Variants in DLG2 observed in about 807,000 individuals in gnomAD.
DLG2 encodes disks large homolog 2.
DLG2 carries 45 observed loss-of-function variants against 132.5 expected under a neutral mutation model. That is an observed-to-expected ratio of 0.34 (90% CI 0.27 to 0.44). The LOEUF is 0.44. Among genes scored for constraint, DLG2 ranks in the 20% least tolerant of loss-of-function variants. The probability of loss-of-function intolerance (pLI) is 1.00; values close to 1 mark genes in which losing one functional copy is unlikely to be tolerated. For missense variants in DLG2, 1,045 were observed against 1,196.9 expected, an observed-to-expected ratio of 0.87 and a Z score of 1.87; for synonymous variants, 424 against 419.6, an observed-to-expected ratio of 1.01 and a Z score of -0.13.
chr11:83,467,842 CATATAT>C (rs72288955), intron 25 of DLG2, among the ~76,000 whole-genome samples: 35,516 of 117,336 alleles, frequency 0.3, 5,277 homozygotes, highest in African/African-American at 0.33. Context: ...ATAATTAAAA[CATATAT>C]ATATATATAT....
At chr11:85,191,115 G>A (rs1209376136) in intron 4 of DLG2, among the ~76,000 whole-genome samples, 1 of 151,722 alleles carries the variant, frequency 6.6e-6, no homozygotes, top group Non-Finnish European at 1.5e-5. Flanking sequence ...GAATCAATCT[G>A]GGTGATGAAA....
intron 17 of DLG2, among the ~76,000 whole-genome samples, chr11:83,822,100 T>A (rs61546028): frequency 0.018 from 2,705 of 152,172 alleles, 94 homozygotes; most frequent in African/African-American, 0.063. Flanking sequence ...AGACCTAGAG[T>A]CCAGTCCTTT....
At chr11:84,738,639 T>C (rs1426491100) in intron 6 of DLG2, among the ~76,000 whole-genome samples, 1 of 152,138 alleles carries the variant, frequency 6.6e-6, no homozygotes, top group African/African-American at 2.4e-5. Flanking sequence ...CAAGTGTTGA[T>C]GAGGATGTGG....
chr11:84,415,004 G>A (rs755564144), intron 7 of DLG2, among the ~76,000 whole-genome samples: 8 of 152,072 alleles, frequency 5.3e-5, no homozygotes, highest in Non-Finnish European at 7.4e-5. Flanking sequence ...TGTGAAGGTC[G>A]TTCTCCACTT....
At chr11:83,953,062 C>A (rs910912321) in intron 14 of DLG2, among the ~76,000 whole-genome samples, 4 of 152,080 alleles carry the variant, frequency 2.6e-5, no homozygotes, top group Non-Finnish European at 5.9e-5. Flanking sequence ...GCCCCATTAT[C>A]TATATTAATA....
At chr11:84,998,498 T>G (rs1014380788) in intron 6 of DLG2, among the ~76,000 whole-genome samples, 16 of 152,166 alleles carry the variant, frequency 1.1e-4, no homozygotes, top group African/African-American at 3.6e-4. Flanking sequence ...TATTTCTTCA[T>G]AGCAGTGTGA....
chr11:83,574,138 A>T (rs1258772369), intron 19 of DLG2, among the ~76,000 whole-genome samples: 1 of 152,182 alleles, frequency 6.6e-6, no homozygotes, highest in African/African-American at 2.4e-5. Context: ...CCCTCACCAC[A>T]TTCTTTTGCA....
chr11:85,382,602 G>C (rs972765171), intron 3 of DLG2, among the ~76,000 whole-genome samples: 1 of 151,880 alleles, frequency 6.6e-6, no homozygotes, highest in African/African-American at 2.4e-5. Context: ...TTTTTGATAA[G>C]GGTTTATTAT....
chr11:84,228,298 G>A (rs913302826), intron 8 of DLG2, among the ~76,000 whole-genome samples: 3 of 152,150 alleles, frequency 2.0e-5, no homozygotes, highest in African/African-American at 7.2e-5. Context: ...GATTAAAAGG[G>A]ATTTAGGGAC....
At chr11:84,421,485 A>G (rs544566723) in intron 7 of DLG2, among the ~76,000 whole-genome samples, 2 of 152,150 alleles carry the variant, frequency 1.3e-5, no homozygotes, top group Admixed American at 1.3e-4. Flanking sequence ...TTCCATGCAC[A>G]CTAAAGTTTG....
chr11:85,001,856 G>C lies in DLG2; in HGVS notation c.357+109805C>G, dbSNP rs144369668. Among the ~76,000 whole-genome samples the C allele has an allele frequency of 2.3e-3, 357 of 152,270 alleles. 2 individuals carry two copies. The highest frequency in any genetic ancestry group is 8.1e-3 in the African/African-American group (336 of 41,548). On this transcript the variant is annotated intron_variant, in intron 6 of 27. Transcript: ENST00000376104. ...AATCATGCATGTGTGGGGACAAGGA[G>C]TATATGGGAAATCTCTATATCTTCT...
intron 7 of DLG2, among the ~76,000 whole-genome samples, chr11:84,416,824 T>C (rs1033173906): frequency 2.6e-5 from 4 of 152,232 alleles, no homozygotes; most frequent in African/African-American, 9.6e-5. Context: ...AACATTATTA[T>C]ACCAATATCA....
intron 3 of DLG2, among the ~76,000 whole-genome samples, chr11:85,396,915 G>A (rs2087439182): frequency 6.6e-6 from 1 of 152,098 alleles, no homozygotes; most frequent in African/African-American, 2.4e-5. Flanking sequence ...TCAAATTCAG[G>A]AAATAAGGAG....
At chr11:84,414,728 C>T (rs1026316577) in intron 7 of DLG2, among the ~76,000 whole-genome samples, 3 of 152,174 alleles carry the variant, frequency 2.0e-5, no homozygotes, top group Non-Finnish European at 4.4e-5. Flanking sequence ...TACAAACAAT[C>T]TCCCAACTCA....
At chr11:85,241,778 G>T (rs1324117514) in intron 4 of DLG2, among the ~76,000 whole-genome samples, 5 of 151,880 alleles carry the variant, frequency 3.3e-5, no homozygotes, top group African/African-American at 1.2e-4. Flanking sequence ...CTTTCTCCTT[G>T]CATTAGATAT....
At position 85,068,783 on chromosome 11, in the gene DLG2, C is replaced by T. The variant is rs999460502; in HGVS notation, c.357+42878G>A. On this transcript the variant is annotated intron_variant, in intron 6 of 27. Coordinates refer to ENST00000376104, the MANE Select transcript of DLG2 (RefSeq NM_001142699.3). ...ATCAAGCTACCAATGACTTTCTTCA[C>T]AGAATTGGAAAAAACTACTTTAAAG... Among the ~76,000 whole-genome samples, 11 of 152,168 alleles carry T rather than the reference C, an allele frequency of 7.2e-5. 1 individual carries two copies. Among genetic ancestry groups the T allele is most frequent in the African/African-American group, 2.4e-4 (10 of 41,534 alleles).
intron 6 of DLG2, among the ~76,000 whole-genome samples, chr11:84,684,555 T>C (rs2099736377): frequency 2.0e-5 from 3 of 152,146 alleles, no homozygotes; most frequent in Admixed American, 1.3e-4. Context: ...TTGTATGTGG[T>C]GCACTGAAGG....
intron 8 of DLG2, among the ~76,000 whole-genome samples, chr11:84,204,572 G>A (rs1339559270): frequency 6.6e-6 from 1 of 152,012 alleles, no homozygotes; most frequent in East Asian, 1.9e-4. Flanking sequence ...ATTACTAATG[G>A]TGGACTTAAA....
At chr11:84,370,434 G>T (rs562759819) in intron 7 of DLG2, among the ~76,000 whole-genome samples, 1 of 152,084 alleles carries the variant, frequency 6.6e-6, no homozygotes, top group Non-Finnish European at 1.5e-5. Context: ...GAAGTTTGGG[G>T]TCAGACAGAT....
Sources: gnomAD v4.1 joint callset for allele counts (sites outside exome capture counted in the v4.1 genomes callset) on GRCh38, gnomAD v4.1.1 for gene constraint, MANE v1.5 for transcripts, NCBI Gene and HGNC (gene_info 2026-07-23, HGNC 2026-07-21) for gene names.